The following CRB1 variants were observed in gnomAD, a reference collection of about 807,000 sequenced individuals.
The protein encoded by CRB1 is crumbs cell polarity complex component 1.
CRB1 carries 83 observed loss-of-function variants against 120.0 expected under a neutral mutation model. The observed-to-expected ratio is 0.69, with a 90% CI of 0.58 to 0.83. CRB1 has a LOEUF of 0.83. Among genes scored for constraint, CRB1 ranks in the 40% least tolerant of loss-of-function variants. The pLI is 0.00. For missense variants in CRB1, 1,699 were observed against 1,687.6 expected (o/e 1.01, Z -0.12); for synonymous variants, 625 against 612.5 (o/e 1.02, Z -0.30).
At chr1:197,459,912 C>T (rs754916408) in intron 11 of CRB1, among the ~76,000 whole-genome samples, 3 of 149,522 alleles carry the variant, frequency 2.0e-5, no homozygotes, top group Non-Finnish European at 4.5e-5. Context: ...ATTAAATCCA[C>T]AAAATCTTCA....
chr1:197,329,098 A>G (rs1009149438), intron 2 of CRB1, 95 bp downstream of exon 2: 1 of 1,117,158 alleles, frequency 9.0e-7, no homozygotes, highest in African/African-American at 1.5e-5. Flanking sequence ...ACAATCATTT[A>G]TGAAAATGGC....
the CRB1 span, among the ~76,000 whole-genome samples, chr1:197,255,295 C>A: frequency 1.3e-5 from 2 of 152,002 alleles, no homozygotes; most frequent in Non-Finnish European, 2.9e-5. Flanking sequence ...TGGTATTTTC[C>A]TTATGAAATT....
chr1:197,471,484 G>A (rs890123439), intron 11 of CRB1, among the ~76,000 whole-genome samples: 12 of 152,134 alleles, frequency 7.9e-5, no homozygotes, highest in Non-Finnish European at 1.2e-4. Context: ...AGCATGCAGT[G>A]CAGATCCCTC....
chr1:197,252,218 A>G, the CRB1 span, among the ~76,000 whole-genome samples: 5 of 151,884 alleles, frequency 3.3e-5, no homozygotes, highest in East Asian at 9.7e-4. Context: ...AACTTTATGG[A>G]CACAGAAACT....
At chr1:197,453,271 A>G (rs149952987) in intron 11 of CRB1, among the ~76,000 whole-genome samples, 1,878 of 146,416 alleles carry the variant, frequency 0.013, 49 homozygotes, top group African/African-American at 0.044. Flanking sequence ...ATACTTGTGT[A>G]TATATATATA....
the CRB1 span, among the ~76,000 whole-genome samples, chr1:197,246,536 C>A: frequency 6.6e-6 from 1 of 151,808 alleles, no homozygotes; most frequent in Admixed American, 6.6e-5. Context: ...TTTAGAGTCT[C>A]CTTATATTTA....
chr1:197,446,905 T>C (rs1163493237), intron 11 of CRB1, among the ~76,000 whole-genome samples: 3 of 152,210 alleles, frequency 2.0e-5, no homozygotes, highest in African/African-American at 4.8e-5. Context: ...GCATATTCCA[T>C]TCTGGAGTTC....
the CRB1 span, among the ~76,000 whole-genome samples, chr1:197,244,704 T>C: frequency 6.6e-6 from 1 of 152,054 alleles, no homozygotes; most frequent in Admixed American, 6.6e-5. Context: ...TATGTCTTTT[T>C]CCAAATTGTG....
intron 1 of CRB1, among the ~76,000 whole-genome samples, chr1:197,310,473 A>C (rs971798237): frequency 1.1e-4 from 16 of 152,206 alleles, no homozygotes; most frequent in African/African-American, 3.9e-4. Context: ...AATAGGGAAA[A>C]GGAACGTCAA....
rs190929698 is a variant in CRB1, at chr1:197,279,536, G to A, written c.70+11054G>A. 3.1e-3 allele frequency among the ~76,000 whole-genome samples: 442 copies of A among 144,216 alleles called. 1 individual carries two copies. Among genetic ancestry groups the A allele is most frequent in the African/African-American group, 0.011 (417 of 39,598 alleles). The allele number at this position is 144,216 out of a possible 152,430, so 94.6% of individuals were successfully genotyped here. On this transcript the variant is annotated intron_variant, in intron 1 of 11. Transcript: ENST00000367400. ...CAAATTTTTTTTTGTTTGTTTTCTGGCTTTTTTTTTTTTTTTAACAACCCC... is the reference window on the plus strand; with the variant it reads ...CAAATTTTTTTTTGTTTGTTTTCTGACTTTTTTTTTTTTTTTAACAACCCC...
At chr1:197,418,278 G>T (rs559206014) in intron 5 of CRB1, among the ~76,000 whole-genome samples, 3 of 152,226 alleles carry the variant, frequency 2.0e-5, no homozygotes, top group Non-Finnish European at 4.4e-5. Flanking sequence ...TATTAAACTT[G>T]TATTGGAACA....
intron 5 of CRB1, among the ~76,000 whole-genome samples, chr1:197,375,537 A>G (rs1661598060): frequency 1.3e-5 from 2 of 152,248 alleles, no homozygotes; most frequent in Middle Eastern, 3.4e-3. Context: ...ACCAACAAGA[A>G]TTGCAGTGAT....
At chr1:197,290,265 CGT>C (rs10540136) in intron 1 of CRB1, among the ~76,000 whole-genome samples, 21,285 of 136,820 alleles carry the variant, frequency 0.16, 1,714 homozygotes, top group South Asian at 0.24. Flanking sequence ...TGTTCCCTTT[CGT>C]GTGTGTGTGT....
At chr1:197,245,439 G>A in the CRB1 span, among the ~76,000 whole-genome samples, 4 of 152,030 alleles carry the variant, frequency 2.6e-5, no homozygotes. Context: ...TGTGGTGGCA[G>A]TATACTATGC....
the CRB1 span, among the ~76,000 whole-genome samples, chr1:197,211,450 G>T: frequency 6.6e-6 from 1 of 152,140 alleles, no homozygotes; most frequent in African/African-American, 2.4e-5. Context: ...AAGATCAAGG[G>T]GCCAGCATTC....
intron 11 of CRB1, among the ~76,000 whole-genome samples, chr1:197,446,054 GTGGCGCATGC>G (rs1665682881): frequency 6.6e-6 from 1 of 152,100 alleles, no homozygotes; most frequent in African/African-American, 2.4e-5. Context: ...GCTGGGCATG[GTGGCGCATGC>G]CTGTAATCCC....
At chr1:197,298,272 A>G (rs183787340) in intron 1 of CRB1, among the ~76,000 whole-genome samples, 236 of 152,244 alleles carry the variant, frequency 1.6e-3, no homozygotes, top group Non-Finnish European at 2.8e-3. Flanking sequence ...ATCCTTGGAT[A>G]AAGAGACAAA....
At chr1:197,401,247 A>G (rs1370877363) in intron 5 of CRB1, among the ~76,000 whole-genome samples, 2 of 151,850 alleles carry the variant, frequency 1.3e-5, no homozygotes, top group African/African-American at 2.4e-5. Flanking sequence ...TTTGTATATT[A>G]TTTTGTTGAT....
At chr1:197,358,493 T>A (rs1057097420) in intron 5 of CRB1, among the ~76,000 whole-genome samples, 4 of 152,194 alleles carry the variant, frequency 2.6e-5, no homozygotes, top group Non-Finnish European at 5.9e-5. Context: ...TCTGAAGAGC[T>A]GCCAGGAATG....
Sources: gnomAD v4.1 joint callset for allele counts (sites outside exome capture counted in the v4.1 genomes callset) on GRCh38, gnomAD v4.1.1 for gene constraint, MANE v1.5 for transcripts, NCBI Gene and HGNC (gene_info 2026-07-23, HGNC 2026-07-21) for gene names.